CHD6: variants seen among roughly 807,000 people sequenced by gnomAD.
CHD6 encodes the protein chromodomain helicase DNA binding protein 6, also known as ATP-dependent chromatin remodeler CHD6.
Under a neutral mutation model 276.9 loss-of-function variants are expected in CHD6, and 50 were observed. That is an observed-to-expected ratio of 0.18 (90% CI 0.14 to 0.23). The LOEUF is 0.23. Among genes scored for constraint, CHD6 ranks in the 10% least tolerant of loss-of-function variants. The pLI is 1.00. For synonymous variants in CHD6, 1,173 were observed against 1,229.3 expected (o/e 0.95, Z 0.96); for missense variants, 2,564 against 3,365.8 (o/e 0.76, Z 5.89).
intron 36 of CHD6, among the ~76,000 whole-genome samples, chr20:41,410,775 T>C (rs6029667): frequency 0.24 from 36,783 of 151,972 alleles, 4,635 homozygotes; most frequent in East Asian, 0.39. Flanking sequence ...TGAGGGAAAC[T>C]GTTAGACACG....
In CHD6 at chr20:41,402,102, T is replaced by G. The variant is rs917565220; in HGVS notation, c.*2491A>C. 1 of 188,946 alleles carries G rather than the reference T, an allele frequency of 5.3e-6. No homozygotes were observed. The highest frequency in any genetic ancestry group is 2.3e-5 in the African/African-American group (1 of 42,904). 11.7% of individuals were successfully genotyped at this position (188,946 alleles called of 1,614,324 possible). A position where few individuals can be genotyped will look rare whatever the true frequency, so the allele number is the denominator to read the frequency against. On this transcript the variant is annotated 3_prime_UTR_variant, in exon 37 of 37. Transcript: ENST00000373233. ...CAAATGTGACTTTTAAACTTTTTCT[T>G]TTGTTTTTAAATCCAGGATCAAGAC...
At chr20:41,427,253 G>A (rs2047395150) in intron 27 of CHD6, among the ~76,000 whole-genome samples, 1 of 151,710 alleles carries the variant, frequency 6.6e-6, no homozygotes, top group African/African-American at 2.4e-5. Flanking sequence ...TGCCAACAGT[G>A]AAAATTCAAA....
Position 41,408,945 on chromosome 20 carries a change from T to C in CHD6, c.7251+3199A>G, listed in dbSNP as rs1338977967. Reference sequence around the variant, plus strand: ...GCCACCTTGGCCCTGGCCCAGTAAGTGCAAGTAGCACTCTCAGGATCTGGG... The same window carrying C: ...GCCACCTTGGCCCTGGCCCAGTAAGCGCAAGTAGCACTCTCAGGATCTGGG... On this transcript the variant is annotated intron_variant, in intron 36 of 36. Coordinates refer to ENST00000373233, the MANE Select transcript of CHD6 (RefSeq NM_032221.5). 2.0e-5 allele frequency among the ~76,000 whole-genome samples: 3 copies of C among 152,240 alleles called. No individual in the cohort carries two copies. In the East Asian group the frequency reaches 5.8e-4, roughly 29 times the overall value.
At chr20:41,505,796 C>T (rs1028581145) in intron 5 of CHD6, among the ~76,000 whole-genome samples, 7 of 152,114 alleles carry the variant, frequency 4.6e-5, no homozygotes, top group Admixed American at 6.6e-5. Context: ...GAACCTCTCC[C>T]CTGGCAATAG....
chr20:41,533,645 TAC>T, intron 2 of CHD6, 75 bp from the exon 3 acceptor site: 1 of 1,311,990 alleles, frequency 7.6e-7, no homozygotes, highest in East Asian at 2.3e-5. Context: ...CCAGTTTGAA[TAC>T]ATGGATTTGC....
rs2046946746 is a variant in CHD6 at position 41,414,881 on chromosome 20, T to C, written c.6939+305A>G. The C allele has an allele frequency of 9.6e-6, 12 of 1,246,088 alleles. No individual in the cohort carries two copies. The South Asian group carries it at 1.5e-4, about 16-fold the overall frequency. The allele number at this position is 1,246,088 out of a possible 1,614,324, so 77.2% of individuals were successfully genotyped here. On this transcript the variant is annotated intron_variant, in intron 34 of 36. Transcript: ENST00000373233. ...AGCCGCTGCACACTCAACCCTGCCATCTTGCTCTGCCGTGCCGTCAACAGT... is the reference window on the plus strand; with the variant it reads ...AGCCGCTGCACACTCAACCCTGCCACCTTGCTCTGCCGTGCCGTCAACAGT...
intron 1 of CHD6, among the ~76,000 whole-genome samples, chr20:41,578,048 A>G (rs1436058565): frequency 6.6e-6 from 1 of 152,258 alleles, no homozygotes; most frequent in Non-Finnish European, 1.5e-5. Context: ...AAAATACGTG[A>G]TAACAGCAGT....
intron 13 of CHD6, among the ~76,000 whole-genome samples, chr20:41,488,088 C>T (rs545185084): frequency 6.6e-6 from 1 of 152,126 alleles, no homozygotes; most frequent in Non-Finnish European, 1.5e-5. Flanking sequence ...GGGCACTGTG[C>T]CAAGGCAGTA....
At chr20:41,617,876 G>A (rs1333501378) in intron 1 of CHD6, among the ~76,000 whole-genome samples, 1 of 150,418 alleles carries the variant, frequency 6.6e-6, no homozygotes, top group Non-Finnish European at 1.5e-5. Context: ...CGCGGGGGCG[G>A]CGGCGGGAAT....
intron 3 of CHD6, among the ~76,000 whole-genome samples, chr20:41,528,829 A>G (rs900068798): frequency 6.6e-6 from 1 of 152,250 alleles, no homozygotes; most frequent in Non-Finnish European, 1.5e-5. Flanking sequence ...TCACCTGTTT[A>G]GAACAGACAT....
chr20:41,472,241 C>CAA (rs11360480), intron 17 of CHD6, among the ~76,000 whole-genome samples: 14 of 125,822 alleles, frequency 1.1e-4, no homozygotes, highest in Non-Finnish European at 2.1e-4. Context: ...GACTCTGTCT[C>CAA]AAAAAAAAAA....
chr20:41,524,113 C>T (rs141838230), intron 3 of CHD6, among the ~76,000 whole-genome samples: 1 of 152,258 alleles, frequency 6.6e-6, no homozygotes, highest in Non-Finnish European at 1.5e-5. Context: ...GAGAAGCTTC[C>T]AGCACTGACC....
intron 15 of CHD6, among the ~76,000 whole-genome samples, chr20:41,484,099 C>T (rs760419900): frequency 3.9e-5 from 6 of 152,232 alleles, no homozygotes; most frequent in South Asian, 2.1e-4. Flanking sequence ...ATCTTCTGCC[C>T]GGCAGAGTAC....
intron 1 of CHD6, among the ~76,000 whole-genome samples, chr20:41,581,257 C>T (rs2045536142): frequency 6.6e-6 from 1 of 152,174 alleles, no homozygotes; most frequent in Non-Finnish European, 1.5e-5. Context: ...AAGCACAAGA[C>T]GGTCAAGTAA....
At chr20:41,545,837 C>T (rs771503637) in intron 2 of CHD6, among the ~76,000 whole-genome samples, 1 of 152,110 alleles carries the variant, frequency 6.6e-6, no homozygotes, top group African/African-American at 2.4e-5. Flanking sequence ...CCTAAGCTTT[C>T]CTCCTGAGGA....
At position 41,403,981 on chromosome 20, in the gene CHD6, G is replaced by T. The variant is rs2046598988; in HGVS notation, c.*612C>A. 1 of 1,053,702 alleles carries T rather than the reference G, an allele frequency of 9.5e-7. No individual in the cohort carries two copies. Among genetic ancestry groups the T allele is most frequent in the Admixed American group, 5.5e-5 (1 of 18,284 alleles). 65.3% of individuals were successfully genotyped at this position (1,053,702 alleles called of 1,614,324 possible). A position where few individuals can be genotyped will look rare whatever the true frequency, so the allele number is the denominator to read the frequency against. On this transcript the variant is annotated 3_prime_UTR_variant, in exon 37 of 37. Transcript: ENST00000373233. ...CAGGTGTCTGAAAAACCACCAAGGG[G>T]GAAATTATATTACTACCGGTAAGGT...
intron 1 of CHD6, among the ~76,000 whole-genome samples, chr20:41,556,821 T>C (rs987291811): frequency 1.3e-5 from 2 of 152,216 alleles, no homozygotes; most frequent in Admixed American, 1.3e-4. Context: ...CCATAATTTA[T>C]AAACACCCTT....
chr20:41,590,784 T>C (rs1025225715), intron 1 of CHD6, among the ~76,000 whole-genome samples: 3 of 151,894 alleles, frequency 2.0e-5, no homozygotes, highest in East Asian at 1.9e-4. Context: ...GGTTCAACCA[T>C]TGCGGAAGAC....
chr20:41,442,036 G>T (rs544510053), intron 25 of CHD6, among the ~76,000 whole-genome samples: 1 of 152,324 alleles, frequency 6.6e-6, no homozygotes, highest in South Asian at 2.1e-4. Context: ...GCAGGCTAAA[G>T]CTCCAACCAA....
Sources: allele counts gnomAD v4.1 joint callset (sites outside exome capture counted in the v4.1 genomes callset), GRCh38; gene constraint gnomAD v4.1.1; transcripts MANE v1.5; gene names NCBI Gene and HGNC (gene_info 2026-07-23, HGNC 2026-07-21).